The following OCA2 variants were observed in gnomAD, a reference collection of about 807,000 sequenced individuals.
OCA2 encodes OCA2 melanosomal transmembrane protein, also known as P protein.
In OCA2, 77 loss-of-function variants were observed where a neutral mutation model predicts 100.2. That is an observed-to-expected ratio of 0.77 (90% CI 0.64 to 0.93). OCA2 has a LOEUF of 0.93. OCA2 is among the 40% of genes least tolerant of loss of function. OCA2 has a pLI of 0.00. For synonymous variants in OCA2, 432 were observed against 439.2 expected, an observed-to-expected ratio of 0.98 and a Z score of 0.21; for missense variants, 1,062 against 1,089.1, an observed-to-expected ratio of 0.98 and a Z score of 0.35.
intron 23 of OCA2, among the ~76,000 whole-genome samples, chr15:27,819,142 T>C (rs1176565441): frequency 6.6e-6 from 1 of 152,188 alleles, no homozygotes; most frequent in Non-Finnish European, 1.5e-5. Context: ...TGGTTAATAA[T>C]ACCTACTTTA....
chr15:27,955,243 C>G, intron 16 of OCA2, 28 bp from the exon 17 acceptor site: 1 of 1,545,260 alleles, frequency 6.5e-7, no homozygotes, highest in Non-Finnish European at 8.9e-7. Context: ...AGACTCATTA[C>G]TTCCCTGGTC....
At chr15:27,995,577 T>C (rs917047745) in intron 9 of OCA2, among the ~76,000 whole-genome samples, 16 of 147,826 alleles carry the variant, frequency 1.1e-4, no homozygotes, top group Middle Eastern at 3.3e-3. Context: ...TTTTCAGAGA[T>C]GGAGGTCTTG....
chr15:27,865,695 A>C (rs2151472032), intron 21 of OCA2, among the ~76,000 whole-genome samples: 1 of 152,306 alleles, frequency 6.6e-6, no homozygotes, highest in African/African-American at 2.4e-5. Context: ...CTACAGAAGA[A>C]GCTCAGATGC....
chr15:28,043,644 G>A lies in OCA2; in HGVS notation c.228-11481C>T, dbSNP rs1305759144. 6.6e-6 allele frequency among the ~76,000 whole-genome samples: 1 copy of A among 152,176 alleles called. No homozygotes were observed. Among genetic ancestry groups the A allele is most frequent in the Non-Finnish European group, 1.5e-5 (1 of 68,034 alleles). On this transcript the variant is annotated intron_variant, in intron 2 of 23. Transcript: ENST00000354638. This position sits in a 1 kb window ranked among gnomAD's most constrained non-coding sequence, Gnocchi z 4.4. ...TTCAAATCTCAGCCCAGTGTGCAAA[G>A]AAATCAGTATTGGAAGGATTGTTTT...
chr15:28,054,958 T>C (rs2141603548), intron 2 of OCA2, among the ~76,000 whole-genome samples: 1 of 152,254 alleles, frequency 6.6e-6, no homozygotes, highest in Admixed American at 6.5e-5. Context: ...TTGTGAGAAC[T>C]CATTTACTAT....
chr15:27,883,648 G>A (rs74868802), intron 19 of OCA2, among the ~76,000 whole-genome samples: 42 of 152,186 alleles, frequency 2.8e-4, no homozygotes, highest in African/African-American at 8.0e-4. Context: ...GCCTTCAGCC[G>A]GCATTTGAGA....
intron 22 of OCA2, among the ~76,000 whole-genome samples, chr15:27,846,793 A>G (rs960549933): frequency 6.6e-6 from 1 of 152,140 alleles, no homozygotes; most frequent in Admixed American, 6.5e-5. Context: ...AGGATGTTGA[A>G]GGATCTGGAG....
At chr15:28,017,290 T>G (rs2042427965) in intron 7 of OCA2, among the ~76,000 whole-genome samples, 1 of 152,136 alleles carries the variant, frequency 6.6e-6, no homozygotes, top group South Asian at 2.1e-4. Flanking sequence ...GATTTGCCTG[T>G]GGGCATTTTG....
At chr15:28,083,281 T>C (rs1400265382) in intron 1 of OCA2, among the ~76,000 whole-genome samples, 1 of 152,252 alleles carries the variant, frequency 6.6e-6, no homozygotes. Context: ...GCACACTTCC[T>C]GGTGGAGCCA....
At chr15:27,746,421 G>A in the OCA2 span, among the ~76,000 whole-genome samples, 5,613 of 152,074 alleles carry the variant, frequency 0.037, 126 homozygotes, top group African/African-American at 0.043. Context: ...AGATCGTGCC[G>A]CTGCACTCCA....
At chr15:28,042,256 T>C (rs1311426223) in intron 2 of OCA2, among the ~76,000 whole-genome samples, 3 of 152,154 alleles carry the variant, frequency 2.0e-5, no homozygotes. Flanking sequence ...ACTGAAACCC[T>C]GAAATACAAG....
intron 2 of OCA2, among the ~76,000 whole-genome samples, chr15:28,053,377 A>G (rs1334388984): frequency 6.6e-6 from 1 of 152,150 alleles, no homozygotes; most frequent in Admixed American, 6.5e-5. Flanking sequence ...CCCCAACCTC[A>G]ATAGCCTGAC....
At chr15:27,953,268 T>C (rs796462945) in intron 17 of OCA2, among the ~76,000 whole-genome samples, 3 of 152,322 alleles carry the variant, frequency 2.0e-5, no homozygotes, top group African/African-American at 7.2e-5. Flanking sequence ...GTAAAGCTGC[T>C]GCCATCAAAA....
downstream of OCA2, among the ~76,000 whole-genome samples, chr15:27,751,722 G>T (rs567029109): frequency 2.0e-5 from 3 of 152,294 alleles, no homozygotes; most frequent in African/African-American, 7.2e-5. Flanking sequence ...ACACACTGTA[G>T]GGAGATGCTG....
chr15:27,863,306 C>T (rs1230020750), intron 21 of OCA2, among the ~76,000 whole-genome samples: 1 of 152,176 alleles, frequency 6.6e-6, no homozygotes, highest in African/African-American at 2.4e-5. Context: ...GTACAAGTGC[C>T]TCAGGTAAGC....
intron 21 of OCA2, among the ~76,000 whole-genome samples, chr15:27,857,694 G>C (rs1005567524): frequency 1.4e-4 from 22 of 152,056 alleles, no homozygotes; most frequent in African/African-American, 5.3e-4. Flanking sequence ...AGGACCTGTG[G>C]GACACCATCA....
At chr15:27,956,571 A>T (rs1040041777) in intron 16 of OCA2, among the ~76,000 whole-genome samples, 13 of 152,152 alleles carry the variant, frequency 8.5e-5, no homozygotes, top group African/African-American at 3.1e-4. Flanking sequence ...TTAACACCCA[A>T]CACCAGCACA....
intron 19 of OCA2, among the ~76,000 whole-genome samples, chr15:27,893,138 C>T (rs1441863608): frequency 6.6e-6 from 1 of 152,214 alleles, no homozygotes; most frequent in Non-Finnish European, 1.5e-5. Flanking sequence ...AATGGAGGGA[C>T]CGGCTGGAGC....
rs143157494 is a variant in OCA2 at position 28,011,881 on chromosome 15, C to T, written c.1044+2895G>A. On this transcript the variant is annotated intron_variant, in intron 9 of 23. Transcript: ENST00000354638. Reference sequence around the variant, plus strand: ...GCAGTGAGCCGAGATTGGACCATTGCACTCCAGCCTGGGCAACAGAGGGAG... The same window carrying T: ...GCAGTGAGCCGAGATTGGACCATTGTACTCCAGCCTGGGCAACAGAGGGAG... Among the ~76,000 whole-genome samples, 702 of 148,506 alleles carry T rather than the reference C, an allele frequency of 4.7e-3. 8 individuals carry two copies. The highest frequency in any genetic ancestry group is 0.017 in the African/African-American group (662 of 40,024).
Sources: allele counts gnomAD v4.1 joint callset (sites outside exome capture counted in the v4.1 genomes callset), GRCh38; gene constraint gnomAD v4.1.1; non-coding constraint Gnocchi (gnomAD v3.1); transcripts MANE v1.5; gene names NCBI Gene and HGNC (gene_info 2026-07-23, HGNC 2026-07-21).